The following SGCZ variants were observed in gnomAD, a reference collection of about 807,000 sequenced individuals.
SGCZ encodes the protein sarcoglycan zeta.
Under a neutral mutation model 41.3 loss-of-function variants are expected in SGCZ, and 40 were observed. The observed-to-expected ratio is 0.97, with a 90% CI of 0.75 to 1.26. The LOEUF (loss-of-function observed/expected upper bound fraction) is 1.26. Ranked by LOEUF, SGCZ falls within the 50% of genes most tolerant of loss-of-function variation. The probability of loss-of-function intolerance (pLI) is 0.00; values close to 1 mark genes in which losing one functional copy is unlikely to be tolerated. For synonymous variants in SGCZ, 206 were observed against 137.5 expected (o/e 1.50, Z -3.49); for missense variants, 552 against 369.8 (o/e 1.49, Z -4.04).
At chr8:14,731,469 G>A (rs1262520606) in intron 1 of SGCZ, among the ~76,000 whole-genome samples, 1 of 151,934 alleles carries the variant, frequency 6.6e-6, no homozygotes, top group African/African-American at 2.4e-5. Flanking sequence ...AACCACCATG[G>A]CACGTGTATA....
intron 1 of SGCZ, among the ~76,000 whole-genome samples, chr8:15,037,227 G>A (rs964545440): frequency 1.3e-5 from 2 of 152,092 alleles, no homozygotes; most frequent in African/African-American, 4.8e-5. Flanking sequence ...CATAATGGAG[G>A]CGGTTACCCC....
chr8:14,237,165 G>A (rs916744260), intron 4 of SGCZ, among the ~76,000 whole-genome samples: 2 of 151,832 alleles, frequency 1.3e-5, no homozygotes, highest in Admixed American at 6.6e-5. Flanking sequence ...ATATTTCTTA[G>A]AAAAATGGTG....
intron 1 of SGCZ, among the ~76,000 whole-genome samples, chr8:14,894,167 A>T (rs1469097404): frequency 6.6e-6 from 1 of 152,188 alleles, no homozygotes; most frequent in Non-Finnish European, 1.5e-5. Context: ...AATACAGAAG[A>T]TGTGCAACTG....
rs544610965 is a variant in SGCZ at position 14,870,549 on chromosome 8, C to A, written c.40-315623G>T. On this transcript the variant is annotated intron_variant, in intron 1 of 7. Transcript: ENST00000382080. ...GAGCAAAGACTTCATGACTGAAACA[C>A]CAAAAGCAATGGCAAGAAAAGCCAA... Among the ~76,000 whole-genome samples the A allele has an allele frequency of 2.2e-4, 34 of 152,164 alleles. No homozygotes were observed. In the South Asian group the frequency reaches 6.8e-3, roughly 31 times the overall value.
At chr8:14,619,888 G>A (rs1274637440) in intron 1 of SGCZ, among the ~76,000 whole-genome samples, 1 of 152,076 alleles carries the variant, frequency 6.6e-6, no homozygotes, top group Non-Finnish European at 1.5e-5. Flanking sequence ...TAGATTCAAT[G>A]CCATCCCATC....
At chr8:14,192,199 G>T (rs1805125963) in intron 4 of SGCZ, among the ~76,000 whole-genome samples, 1 of 151,840 alleles carries the variant, frequency 6.6e-6, no homozygotes, top group Non-Finnish European at 1.5e-5. Context: ...CAGAAAATAG[G>T]TAATTGTATT....
chr8:14,883,297 T>G (rs532132488), intron 1 of SGCZ, among the ~76,000 whole-genome samples: 1 of 152,066 alleles, frequency 6.6e-6, no homozygotes, highest in African/African-American at 2.4e-5. Context: ...TCCTGTATTT[T>G]TCAGTTTTGG....
intron 2 of SGCZ, among the ~76,000 whole-genome samples, chr8:14,385,573 C>T (rs1221814629): frequency 1.3e-5 from 2 of 152,080 alleles, no homozygotes; most frequent in Non-Finnish European, 2.9e-5. Flanking sequence ...GGTCCATGAA[C>T]GAAACCAAGG....
chr8:14,353,161 T>G (rs1365715425), intron 2 of SGCZ, among the ~76,000 whole-genome samples: 1 of 148,892 alleles, frequency 6.7e-6, no homozygotes, highest in East Asian at 1.9e-4. Context: ...TTTCTTCATT[T>G]GCAAAATACC....
chr8:14,363,628 C>G (rs1803603357), intron 2 of SGCZ, among the ~76,000 whole-genome samples: 1 of 151,944 alleles, frequency 6.6e-6, no homozygotes, highest in African/African-American at 2.4e-5. Context: ...TAACAACTGG[C>G]TAAGAAAAAG....
At chr8:14,428,574 ATTG>A (rs1799855427) in intron 2 of SGCZ, among the ~76,000 whole-genome samples, 2 of 152,310 alleles carry the variant, frequency 1.3e-5, no homozygotes, top group African/African-American at 4.8e-5. Context: ...TTTATTTAAA[ATTG>A]TTTCTACTGA....
At chr8:14,245,996 G>T (rs1054445179) in intron 3 of SGCZ, among the ~76,000 whole-genome samples, 1 of 152,174 alleles carries the variant, frequency 6.6e-6, no homozygotes, top group Non-Finnish European at 1.5e-5. Context: ...TACACTGTTG[G>T]TGGGACTGTA....
Position 14,705,740 on chromosome 8 carries a change from T to C in SGCZ, c.40-150814A>G, listed in dbSNP as rs368521950. Among the ~76,000 whole-genome samples, 5 of 152,088 alleles carry C rather than the reference T, an allele frequency of 3.3e-5. 1 individual carries two copies. The highest frequency in any genetic ancestry group is 2.0e-4 in the Admixed American group (3 of 15,242). On this transcript the variant is annotated intron_variant, in intron 1 of 7. Transcript: ENST00000382080. ...GAAGCAGAGGTTCTGAAATAGAACATAGTAAAAACATCTTTGGAAAACAGT... is the reference window on the plus strand; with the variant it reads ...GAAGCAGAGGTTCTGAAATAGAACACAGTAAAAACATCTTTGGAAAACAGT...
At chr8:14,571,050 G>A (rs1300042597) in intron 1 of SGCZ, among the ~76,000 whole-genome samples, 2 of 152,186 alleles carry the variant, frequency 1.3e-5, no homozygotes, top group Non-Finnish European at 2.9e-5. Context: ...GAACACCTGA[G>A]ACTGGGTTTA....
chr8:14,508,949 T>C (rs1329117165), intron 2 of SGCZ, among the ~76,000 whole-genome samples: 1 of 152,162 alleles, frequency 6.6e-6, no homozygotes, highest in Non-Finnish European at 1.5e-5. Context: ...CATCAAAATA[T>C]GTAGTACTTA....
At chr8:14,613,510 A>G (rs930819827) in intron 1 of SGCZ, among the ~76,000 whole-genome samples, 1 of 152,100 alleles carries the variant, frequency 6.6e-6, no homozygotes, top group Non-Finnish European at 1.5e-5. Flanking sequence ...TAGGTGATAT[A>G]CTCTTGCAAA....
chr8:14,092,165 C>T (rs528872973), intron 7 of SGCZ, among the ~76,000 whole-genome samples: 8 of 152,052 alleles, frequency 5.3e-5, no homozygotes, highest in Non-Finnish European at 1.2e-4. Context: ...CTGTTCTGTT[C>T]CATTGGTCTA....
intron 2 of SGCZ, among the ~76,000 whole-genome samples, chr8:14,533,878 G>A (rs1462397670): frequency 6.6e-6 from 1 of 152,006 alleles, no homozygotes; most frequent in Non-Finnish European, 1.5e-5. Context: ...ATGCTGTCAT[G>A]GTGACTGAAT....
At chr8:14,947,431 A>C (rs1024377342) in intron 1 of SGCZ, among the ~76,000 whole-genome samples, 1 of 152,016 alleles carries the variant, frequency 6.6e-6, no homozygotes, top group Non-Finnish European at 1.5e-5. Flanking sequence ...CTTTGTCCTG[A>C]TGTGGACAAC....
Sources: gnomAD v4.1 joint callset for allele counts (sites outside exome capture counted in the v4.1 genomes callset) on GRCh38, gnomAD v4.1.1 for gene constraint, MANE v1.5 for transcripts, NCBI Gene and HGNC (gene_info 2026-07-23, HGNC 2026-07-21) for gene names.